The following GRID1 variants were observed in gnomAD, a reference collection of about 807,000 sequenced individuals.
The protein encoded by GRID1 is glutamate ionotropic receptor delta type subunit 1.
Under a neutral mutation model 98.0 loss-of-function variants are expected in GRID1, and 28 were observed. The observed-to-expected ratio is 0.29, with a 90% CI of 0.21 to 0.39. The LOEUF (loss-of-function observed/expected upper bound fraction) is 0.39, where lower values mean the gene tolerates loss of function less well. Ranked by LOEUF, GRID1 falls within the 10% of genes least tolerant of loss-of-function variation. The pLI, the probability that GRID1 is intolerant of heterozygous loss-of-function variation, is 1.00. For synonymous variants in GRID1, 553 were observed against 538.5 expected (o/e 1.03, Z -0.37); for missense variants, 1,111 against 1,340.5 (o/e 0.83, Z 2.67).
At chr10:86,102,172 G>A (rs939164760) in intron 4 of GRID1, among the ~76,000 whole-genome samples, 2 of 152,260 alleles carry the variant, frequency 1.3e-5, no homozygotes, top group Admixed American at 6.5e-5. Context: ...GCAGGGTAAT[G>A]ACATGATCAG....
chr10:85,655,217 G>A (rs1290131719), intron 12 of GRID1, among the ~76,000 whole-genome samples: 2 of 152,122 alleles, frequency 1.3e-5, no homozygotes, highest in South Asian at 2.1e-4. Flanking sequence ...TCTCTGCTGT[G>A]CCCTGACTAA....
intron 4 of GRID1, among the ~76,000 whole-genome samples, chr10:85,969,450 A>G (rs1305887552): frequency 6.6e-6 from 1 of 152,118 alleles, no homozygotes; most frequent in African/African-American, 2.4e-5. Context: ...GCCCTAAAAC[A>G]TGCCTCGATA....
At chr10:86,336,338 T>C (rs147042493) in intron 2 of GRID1, among the ~76,000 whole-genome samples, 24 of 152,264 alleles carry the variant, frequency 1.6e-4, no homozygotes, top group African/African-American at 5.3e-4. Flanking sequence ...CGCTTAGGAA[T>C]TGGACAGGAT....
At chr10:85,732,431 G>A (rs1347874743) in intron 8 of GRID1, among the ~76,000 whole-genome samples, 1 of 152,162 alleles carries the variant, frequency 6.6e-6, no homozygotes, top group Non-Finnish European at 1.5e-5. Context: ...TCTTGGCTTG[G>A]ATGAGTGTTT....
At chr10:85,812,758 C>T (rs1177178961) in intron 8 of GRID1, among the ~76,000 whole-genome samples, 1 of 151,702 alleles carries the variant, frequency 6.6e-6, no homozygotes, top group Non-Finnish European at 1.5e-5. Context: ...CTCTCCCTCC[C>T]CCCAATCTCT....
chr10:85,823,501 G>T (rs1488062687), intron 8 of GRID1, among the ~76,000 whole-genome samples: 1 of 151,936 alleles, frequency 6.6e-6, no homozygotes, highest in Non-Finnish European at 1.5e-5. Flanking sequence ...GTAACATGTG[G>T]GTCATGCTTA....
chr10:86,101,940 C>T (rs1187384655), intron 4 of GRID1, among the ~76,000 whole-genome samples: 2 of 152,142 alleles, frequency 1.3e-5, no homozygotes, highest in Admixed American at 6.5e-5. Flanking sequence ...TATCCATTCA[C>T]CAGCTGAAGG....
rs540326007 is a variant in GRID1 at position 86,282,446 on chromosome 10, C to T, written c.236-75798G>A. ...ACAGCCCTTCCATGGATCCAGGTGC[C>T]GGCTGAGCCTGTCCTCACAGGGGAT... On this transcript the variant is annotated intron_variant, in intron 2 of 15. Transcript: ENST00000327946. Among the ~76,000 whole-genome samples, 73 of 152,246 alleles carry T rather than the reference C, an allele frequency of 4.8e-4. 1 individual carries two copies. The highest frequency in any genetic ancestry group is 8.5e-4 in the Non-Finnish European group (58 of 68,016).
chr10:86,134,497 T>C (rs1844886526), intron 4 of GRID1, among the ~76,000 whole-genome samples: 1 of 152,134 alleles, frequency 6.6e-6, no homozygotes, highest in South Asian at 2.1e-4. Flanking sequence ...AGAACAACAA[T>C]AAGACATGTA....
At chr10:86,120,020 C>T (rs920747185) in intron 4 of GRID1, among the ~76,000 whole-genome samples, 2 of 151,876 alleles carry the variant, frequency 1.3e-5, no homozygotes, top group South Asian at 2.1e-4. Context: ...AAGATGGTCT[C>T]GATCTCCTGA....
intron 12 of GRID1, among the ~76,000 whole-genome samples, chr10:85,694,584 AT>A (rs1841371688): frequency 1.5e-4 from 11 of 74,454 alleles, no homozygotes; most frequent in East Asian, 4.6e-4. Flanking sequence ...ATATATATAT[AT>A]ATATATATAT....
intron 2 of GRID1, among the ~76,000 whole-genome samples, chr10:86,338,240 T>A (rs1165986421): frequency 6.7e-6 from 1 of 149,840 alleles, no homozygotes; most frequent in East Asian, 2.0e-4. Flanking sequence ...CACTGATTGG[T>A]TCATGGATAA....
At chr10:85,764,903 G>T (rs756668886) in intron 8 of GRID1, among the ~76,000 whole-genome samples, 1 of 152,180 alleles carries the variant, frequency 6.6e-6, no homozygotes, top group Admixed American at 6.5e-5. Flanking sequence ...AAATAGAAAG[G>T]GTCATCAGAC....
chr10:85,623,739 T>C (rs903581760), intron 13 of GRID1, among the ~76,000 whole-genome samples: 4 of 152,252 alleles, frequency 2.6e-5, no homozygotes, highest in African/African-American at 9.6e-5. Flanking sequence ...CAGGAAAGCA[T>C]GTCTACCCCT....
Position 86,003,812 on chromosome 10 carries a change from A to G in GRID1, c.727-87573T>C, listed in dbSNP as rs143425093. On this transcript the variant is annotated intron_variant, in intron 4 of 15. Coordinates refer to ENST00000327946, the MANE Select transcript of GRID1 (RefSeq NM_017551.3). ...TTTTAAAGTGTAACAGTGTCAACCA[A>G]ATATTTGCCAGGATGTGAAAAATAA... Among the ~76,000 whole-genome samples, 364 of 152,352 alleles carry G rather than the reference A, an allele frequency of 2.4e-3. 1 individual carries two copies. The highest frequency in any genetic ancestry group is 3.5e-3 in the Non-Finnish European group (240 of 68,022).
chr10:85,904,149 A>T (rs1841427044), intron 5 of GRID1, among the ~76,000 whole-genome samples: 1 of 152,248 alleles, frequency 6.6e-6, no homozygotes, highest in South Asian at 2.1e-4. Context: ...GAATTAAATA[A>T]GATAATAAAG....
chr10:86,052,231 T>A (rs1843512184), intron 4 of GRID1, among the ~76,000 whole-genome samples: 2 of 152,132 alleles, frequency 1.3e-5, no homozygotes, highest in Admixed American at 6.5e-5. Context: ...AGTGAAGGAA[T>A]GTGAATTTAT....
At chr10:85,921,976 G>C (rs943299441) in intron 4 of GRID1, among the ~76,000 whole-genome samples, 1 of 152,128 alleles carries the variant, frequency 6.6e-6, no homozygotes, top group African/African-American at 2.4e-5. Context: ...TCTTATCCCT[G>C]CTTCACAGAT....
At chr10:86,343,978 CG>C (rs947420292) in intron 2 of GRID1, among the ~76,000 whole-genome samples, 100 of 152,324 alleles carry the variant, frequency 6.6e-4, no homozygotes, top group Admixed American at 1.8e-3. Flanking sequence ...TGGCCCTTGG[CG>C]TTCCATCTCT....
Sources: allele counts gnomAD v4.1 joint callset (sites outside exome capture counted in the v4.1 genomes callset), GRCh38; gene constraint gnomAD v4.1.1; transcripts MANE v1.5; gene names NCBI Gene and HGNC (gene_info 2026-07-23, HGNC 2026-07-21).